FRS2: variants seen among roughly 807,000 people sequenced by gnomAD.
The protein encoded by FRS2 is FGFR signalling adaptor.
Under a neutral mutation model 43.9 loss-of-function variants are expected in FRS2, and 8 were observed. The ratio of observed to expected loss-of-function variants is 0.18; its 90% confidence interval spans 0.11 to 0.33. The LOEUF (loss-of-function observed/expected upper bound fraction) is 0.33. FRS2 is among the 10% of genes least tolerant of loss of function. FRS2 has a pLI of 1.00. For missense variants in FRS2, 534 were observed against 627.6 expected, an observed-to-expected ratio of 0.85 and a Z score of 1.59; for synonymous variants, 219 against 220.3, an observed-to-expected ratio of 0.99 and a Z score of 0.05.
chr12:69,536,656 C>T (rs957518), intron 3 of FRS2, among the ~76,000 whole-genome samples: 8,314 of 151,236 alleles, frequency 0.055, 572 homozygotes, highest in East Asian at 0.38. Flanking sequence ...CCTTTAGCCT[C>T]GATCTGCTGG....
At position 69,539,809 on chromosome 12, in the gene FRS2, G is replaced by T. The variant is rs1658434119; in HGVS notation, c.-122+7753G>T. 2.0e-5 allele frequency among the ~76,000 whole-genome samples: 3 copies of T among 152,052 alleles called. No homozygotes were observed. In the South Asian group the frequency reaches 6.2e-4, roughly 31 times the overall value. Reference sequence around the variant, plus strand: ...TCTCTACTAAAAATACAAAAAATTAGCTGGGCAGGGTGGCGGGCGCCTGTA... The same window carrying T: ...TCTCTACTAAAAATACAAAAAATTATCTGGGCAGGGTGGCGGGCGCCTGTA... On this transcript the variant is annotated intron_variant, in intron 3 of 8. Coordinates refer to ENST00000549921, the MANE Select transcript of FRS2 (RefSeq NM_001278356.2).
chr12:69,500,928 G>T (rs958539869), intron 1 of FRS2, among the ~76,000 whole-genome samples: 1 of 152,054 alleles, frequency 6.6e-6, no homozygotes, highest in African/African-American at 2.4e-5. Flanking sequence ...ATGAAAATTT[G>T]TCCCTTAATT....
intron 1 of FRS2, among the ~76,000 whole-genome samples, chr12:69,472,128 C>T (rs1269870836): frequency 6.6e-6 from 1 of 152,070 alleles, no homozygotes; most frequent in Non-Finnish European, 1.5e-5. Flanking sequence ...ATTCTGCTGC[C>T]CAGGCTGCAG....
At chr12:69,547,754 C>A (rs1031343068) in intron 3 of FRS2, among the ~76,000 whole-genome samples, 30 of 145,830 alleles carry the variant, frequency 2.1e-4, no homozygotes, top group Admixed American at 8.3e-4. Flanking sequence ...TAAATTGTAT[C>A]TTTGACATAT....
At chr12:69,504,363 T>TA (rs935964215) in intron 1 of FRS2, among the ~76,000 whole-genome samples, 1 of 152,084 alleles carries the variant, frequency 6.6e-6, no homozygotes, top group African/African-American at 2.4e-5. Context: ...AGACTCCATC[T>TA]AAAAAAATAA....
chr12:69,522,373 T>A (rs988546677), intron 1 of FRS2, among the ~76,000 whole-genome samples: 1 of 152,086 alleles, frequency 6.6e-6, no homozygotes, highest in Non-Finnish European at 1.5e-5. Context: ...CTTCTAGATT[T>A]TCTAGTTTGT....
intron 1 of FRS2, among the ~76,000 whole-genome samples, chr12:69,473,188 G>A (rs1188768555): frequency 6.6e-6 from 1 of 152,192 alleles, no homozygotes; most frequent in East Asian, 1.9e-4. Flanking sequence ...CAATATGTAA[G>A]TACCTTAATA....
intron 1 of FRS2, among the ~76,000 whole-genome samples, chr12:69,519,302 A>G (rs929110731): frequency 6.6e-6 from 1 of 152,224 alleles, no homozygotes; most frequent in Admixed American, 6.5e-5. Context: ...TGTGTATTGC[A>G]TTAAAATTCA....
chr12:69,578,180 A>G lies in FRS2; in HGVS notation c.*3225A>G, dbSNP rs1040672984. On this transcript the variant is annotated 3_prime_UTR_variant, in exon 9 of 9. Transcript: ENST00000549921. ...GTGCTATTCCTAACCTATAATGCCC[A>G]AATGTTTTGTGCAATGTGTAGTGTG... is the stretch of plus-strand genomic sequence containing the variant. The G allele has an allele frequency of 1.3e-5, 2 of 152,738 alleles. No individual in the cohort carries two copies. Among genetic ancestry groups the G allele is most frequent in the African/African-American group, 4.8e-5 (2 of 41,584 alleles). The allele number at this position is 152,738 out of a possible 1,614,324, so 9.5% of individuals were successfully genotyped here.
In FRS2 at chr12:69,573,988, T is replaced by G. The variant is rs573920573; in HGVS notation, c.577-17T>G. The G allele has an allele frequency of 2.0e-6, 3 of 1,527,996 alleles. No individual in the cohort carries two copies. In the African/African-American group the frequency reaches 4.2e-5, roughly 21 times the overall value. 94.7% of individuals were successfully genotyped at this position (1,527,996 alleles called of 1,614,324 possible). A position where few individuals can be genotyped will look rare whatever the true frequency, so the allele number is the denominator to read the frequency against. ...TTTTTAAGTAAGTTAACTAATTCACTTTCTGTTTTGTTTTAGGTACATACC... is the reference window on the plus strand; with the variant it reads ...TTTTTAAGTAAGTTAACTAATTCACGTTCTGTTTTGTTTTAGGTACATACC... On this transcript the variant is annotated splice_polypyrimidine_tract_variant and intron_variant, in intron 8 of 8. Transcript: ENST00000549921.
chr12:69,570,276 C>T, intron 5 of FRS2, 55 bp from the exon 6 acceptor site: 1 of 1,258,012 alleles, frequency 7.9e-7, no homozygotes. Context: ...AGCAACAATG[C>T]ATTTTCCTGA....
intron 1 of FRS2, among the ~76,000 whole-genome samples, chr12:69,483,892 G>A (rs1871576785): frequency 6.6e-6 from 1 of 152,060 alleles, no homozygotes. Context: ...CTGTTTCACT[G>A]TATTCTTTTA....
chr12:69,472,101 C>T (rs940476662), intron 1 of FRS2, among the ~76,000 whole-genome samples: 2 of 151,890 alleles, frequency 1.3e-5, no homozygotes, highest in African/African-American at 4.8e-5. Flanking sequence ...TTTTTTCTTT[C>T]TTTTCGAGAC....
chr12:69,572,448 T>C (rs543222000), intron 8 of FRS2, among the ~76,000 whole-genome samples, 167 bp downstream of exon 8: 1 of 152,334 alleles, frequency 6.6e-6, no homozygotes, highest in South Asian at 2.1e-4. Flanking sequence ...TGGTTTATGC[T>C]CAAATATATG....
At chr12:69,566,688 C>A (rs891813708) in intron 4 of FRS2, among the ~76,000 whole-genome samples, 5 of 152,000 alleles carry the variant, frequency 3.3e-5, no homozygotes, top group African/African-American at 9.7e-5. Context: ...GACAAGATTT[C>A]CTGTCTTTAA....
intron 1 of FRS2, among the ~76,000 whole-genome samples, chr12:69,522,712 CT>C (rs1875811272): frequency 6.6e-6 from 1 of 152,086 alleles, no homozygotes; most frequent in Non-Finnish European, 1.5e-5. Flanking sequence ...GTCCTTCTGA[CT>C]TTTTTATGTG....
chr12:69,498,519 T>TGTGTGTGTGTGTGTGTG (rs1873117530), intron 1 of FRS2, among the ~76,000 whole-genome samples: 82 of 141,594 alleles, frequency 5.8e-4, no homozygotes, highest in Non-Finnish European at 7.6e-4. Context: ...TTATGAGGGT[T>TGTGTGTGTGTGTGTGTG]TGTGTGTGTG....
intron 1 of FRS2, among the ~76,000 whole-genome samples, chr12:69,496,823 A>C (rs147983211): frequency 6.6e-6 from 1 of 152,346 alleles, no homozygotes; most frequent in East Asian, 1.9e-4. Context: ...ATATCTAAGA[A>C]TATAATTGGA....
At chr12:69,565,499 T>C (rs1234408829) in intron 4 of FRS2, among the ~76,000 whole-genome samples, 1 of 152,230 alleles carries the variant, frequency 6.6e-6, no homozygotes, top group Admixed American at 6.5e-5. Flanking sequence ...GACTCTCTTA[T>C]AATATTTAGC....
Sources: allele counts gnomAD v4.1 joint callset (sites outside exome capture counted in the v4.1 genomes callset), GRCh38; gene constraint gnomAD v4.1.1; transcripts MANE v1.5; gene names NCBI Gene and HGNC (gene_info 2026-07-23, HGNC 2026-07-21).